Variants in CLSTN2 observed in about 807,000 individuals in gnomAD.
CLSTN2 encodes calsyntenin-2.
CLSTN2 carries 48 observed loss-of-function variants against 101.2 expected under a neutral mutation model. The observed-to-expected ratio is 0.47, with a 90% CI of 0.38 to 0.60. The LOEUF (loss-of-function observed/expected upper bound fraction) is 0.60. Among genes scored for constraint, CLSTN2 ranks in the 20% least tolerant of loss-of-function variants. The probability of loss-of-function intolerance (pLI) is 0.00; values close to 1 mark genes in which losing one functional copy is unlikely to be tolerated. For synonymous variants in CLSTN2, 481 were observed against 463.6 expected, an observed-to-expected ratio of 1.04 and a Z score of -0.48; for missense variants, 1,160 against 1,238.2, an observed-to-expected ratio of 0.94 and a Z score of 0.95.
intron 2 of CLSTN2, among the ~76,000 whole-genome samples, chr3:140,350,487 A>G (rs994088034): frequency 2.0e-5 from 3 of 152,214 alleles, no homozygotes; most frequent in Non-Finnish European, 4.4e-5. Context: ...GAAAGCACCT[A>G]TGCATGTTTT....
rs149467863 is a variant in CLSTN2 at position 140,129,037 on chromosome 3, A to C, written c.110-46914A>C. Among the ~76,000 whole-genome samples, 488 of 152,274 alleles carry C rather than the reference A, an allele frequency of 3.2e-3. 3 individuals are homozygous for C. The highest frequency in any genetic ancestry group is 5.4e-3 in the Admixed American group (83 of 15,290). On this transcript the variant is annotated intron_variant, in intron 1 of 16. Coordinates refer to ENST00000458420, the MANE Select transcript of CLSTN2 (RefSeq NM_022131.3). ...AGTGTGAACATTTTAGGGGATGCAA[A>C]TCTTAGTAAATACAAAAACTTGTAA...
chr3:140,123,753 C>G (rs1473222015), intron 1 of CLSTN2, among the ~76,000 whole-genome samples: 1 of 152,006 alleles, frequency 6.6e-6, no homozygotes, highest in Non-Finnish European at 1.5e-5. Context: ...TTGCTGTGTC[C>G]TCACATGGAC....
chr3:140,485,632 T>A (rs1934222648), intron 8 of CLSTN2, among the ~76,000 whole-genome samples: 1 of 152,114 alleles, frequency 6.6e-6, no homozygotes, highest in Admixed American at 6.5e-5. Context: ...CTGCTTTGTT[T>A]ACCTACTCAA....
At chr3:140,506,372 G>C (rs1157247649) in intron 8 of CLSTN2, among the ~76,000 whole-genome samples, 2 of 152,000 alleles carry the variant, frequency 1.3e-5, no homozygotes, top group African/African-American at 4.8e-5. Context: ...CCTTTACACA[G>C]CATGAATATT....
At chr3:140,390,893 T>C (rs1057226384) in intron 2 of CLSTN2, among the ~76,000 whole-genome samples, 10 of 152,252 alleles carry the variant, frequency 6.6e-5, no homozygotes, top group Admixed American at 2.0e-4. Context: ...TATTTTGAAT[T>C]GTTATAATGA....
chr3:140,123,173 G>A (rs1296719129), intron 1 of CLSTN2, among the ~76,000 whole-genome samples: 2 of 115,154 alleles, frequency 1.7e-5, no homozygotes, highest in Non-Finnish European at 3.4e-5. Flanking sequence ...GGGCGGGGGG[G>A]TGGGGGGCGG....
At position 140,333,040 on chromosome 3, in the gene CLSTN2, G is replaced by C. The variant is rs1032674075; in HGVS notation, c.233-70589G>C. On this transcript the variant is annotated intron_variant, in intron 2 of 16. Transcript: ENST00000458420. The stretch of plus-strand genomic sequence containing the variant: ...CACTGGGGTGTTAAGGCCATTAAAA[G>C]AGACAGTACAGCTGTAAGTACCTGG... Among the ~76,000 whole-genome samples, 7 of 152,310 alleles carry C rather than the reference G, an allele frequency of 4.6e-5. No individual in the cohort carries two copies. In the East Asian group the frequency reaches 1.4e-3, roughly 29 times the overall value.
chr3:140,442,133 A>G (rs973903363), intron 5 of CLSTN2, among the ~76,000 whole-genome samples: 1 of 152,110 alleles, frequency 6.6e-6, no homozygotes, highest in African/African-American at 2.4e-5. Flanking sequence ...TGGGGGCCTT[A>G]CTGACCCTGG....
At chr3:140,075,850 T>C (rs1350107659) in intron 1 of CLSTN2, among the ~76,000 whole-genome samples, 1 of 152,084 alleles carries the variant, frequency 6.6e-6, no homozygotes, top group Non-Finnish European at 1.5e-5. Flanking sequence ...CGTGTCATCA[T>C]GTCTCAGGTG....
chr3:140,280,187 A>G (rs2086831827), intron 2 of CLSTN2, among the ~76,000 whole-genome samples: 1 of 152,234 alleles, frequency 6.6e-6, no homozygotes, highest in African/African-American at 2.4e-5. Context: ...CTACATTCTG[A>G]GATTCTGGGA....
intron 2 of CLSTN2, among the ~76,000 whole-genome samples, chr3:140,355,082 CTG>C (rs2087654678): frequency 6.6e-6 from 1 of 152,162 alleles, no homozygotes; most frequent in Admixed American, 6.5e-5. Context: ...CCAGCTCTCA[CTG>C]TGTTATCAGA....
intron 2 of CLSTN2, among the ~76,000 whole-genome samples, chr3:140,216,125 C>T (rs2010917586): frequency 6.6e-6 from 1 of 152,146 alleles, no homozygotes; most frequent in Admixed American, 6.5e-5. Flanking sequence ...GTGAACCGTG[C>T]ATGTGAGGGA....
intron 16 of CLSTN2, among the ~76,000 whole-genome samples, chr3:140,564,504 A>G (rs1321274194): frequency 6.6e-6 from 1 of 152,238 alleles, no homozygotes; most frequent in Non-Finnish European, 1.5e-5. Flanking sequence ...TGAAGTTTTG[A>G]GTAACTAACA....
At chr3:140,458,633 C>T (rs1365982330) in intron 6 of CLSTN2, among the ~76,000 whole-genome samples, 1 of 152,164 alleles carries the variant, frequency 6.6e-6, no homozygotes, top group Non-Finnish European at 1.5e-5. Context: ...TGCCCCCACT[C>T]CTGCTGCCTC....
At chr3:140,076,377 A>G (rs1205328092) in intron 1 of CLSTN2, among the ~76,000 whole-genome samples, 1 of 152,074 alleles carries the variant, frequency 6.6e-6, no homozygotes, top group African/African-American at 2.4e-5. Context: ...CCTCCCTCCC[A>G]GACTTCCTGG....
At chr3:140,136,449 T>A (rs1041638372) in intron 1 of CLSTN2, among the ~76,000 whole-genome samples, 9 of 152,226 alleles carry the variant, frequency 5.9e-5, no homozygotes, top group Non-Finnish European at 1.3e-4. Context: ...TTGTGCTTTG[T>A]CAATGAGAGC....
intron 1 of CLSTN2, among the ~76,000 whole-genome samples, chr3:140,146,113 C>T (rs2009777680): frequency 6.6e-6 from 1 of 152,142 alleles, no homozygotes; most frequent in Non-Finnish European, 1.5e-5. Flanking sequence ...TTCCTATGGC[C>T]CTGCTCGTTT....
intron 1 of CLSTN2, among the ~76,000 whole-genome samples, chr3:140,115,691 A>G (rs546474761): frequency 2.0e-5 from 3 of 152,352 alleles, no homozygotes; most frequent in East Asian, 3.9e-4. Flanking sequence ...CACCAAAGCC[A>G]TGTCCTCTTC....
At chr3:140,558,905 C>T (rs1382057898) in intron 12 of CLSTN2, 48 bp downstream of exon 12, 4 of 1,473,520 alleles carry the variant, frequency 2.7e-6, no homozygotes, top group Admixed American at 1.7e-5. Context: ...TAATTTTTTA[C>T]AGCCATGTGA....
Sources: allele counts gnomAD v4.1 joint callset (sites outside exome capture counted in the v4.1 genomes callset), GRCh38; gene constraint gnomAD v4.1.1; transcripts MANE v1.5; gene names NCBI Gene and HGNC (gene_info 2026-07-23, HGNC 2026-07-21).